The following RO60 variants were observed in gnomAD, a reference collection of about 807,000 sequenced individuals.
RO60 encodes RNA-binding protein RO60.
RO60 carries 20 observed loss-of-function variants against 55.3 expected under a neutral mutation model. The observed-to-expected ratio is 0.36, with a 90% CI of 0.25 to 0.53. The LOEUF (loss-of-function observed/expected upper bound fraction) is 0.53. Ranked by LOEUF, RO60 falls within the 20% of genes least tolerant of loss-of-function variation. The probability of loss-of-function intolerance (pLI) is 0.92; values close to 1 mark genes in which losing one functional copy is unlikely to be tolerated. For synonymous variants in RO60, 213 were observed against 213.6 expected (o/e 1.00, Z 0.02); for missense variants, 558 against 646.6 (o/e 0.86, Z 1.49).
Position 193,084,978 on chromosome 1 carries a change from T to G in RO60, c.*247T>G. 6.5e-7 allele frequency: 1 copy of G among 1,545,038 alleles called. No individual in the cohort carries two copies. Among genetic ancestry groups the G allele is most frequent in the Non-Finnish European group, 8.7e-7 (1 of 1,145,406 alleles). ...GTTTCCTCTATCTAATAGAGAACTT[T>G]TTGTTAACAGACACTGTAAAATAGT... On this transcript the variant is annotated 3_prime_UTR_variant, in exon 9 of 9. Coordinates refer to ENST00000400968, the MANE Select transcript of RO60 (RefSeq NM_001173524.2).
At position 193,090,316 on chromosome 1, in the gene RO60, T is replaced by C. The variant is rs1674807819; in HGVS notation, c.*5585T>C. On this transcript the variant is annotated 3_prime_UTR_variant, in exon 9 of 9. Coordinates refer to ENST00000400968, the MANE Select transcript of RO60 (RefSeq NM_001173524.2). ...AGGGAATATTATATCAACAAACATA[T>C]TGAAACTTGGCTTTATTTGTAACGT... 6.6e-6 allele frequency: 1 copy of C among 152,008 alleles called. No individual in the cohort carries two copies. Among genetic ancestry groups the C allele is most frequent in the Non-Finnish European group, 1.5e-5 (1 of 68,008 alleles). The allele number at this position is 152,008 out of a possible 1,614,324, so 9.4% of individuals were successfully genotyped here. A position where few individuals can be genotyped will look rare whatever the true frequency, so the allele number is the denominator to read the frequency against.
Position 193,090,229 on chromosome 1 carries a change from G to C in RO60, c.*5498G>C, listed in dbSNP as rs1038886688. 1 of 152,080 alleles carries C rather than the reference G, an allele frequency of 6.6e-6. No individual in the cohort carries two copies. The highest frequency in any genetic ancestry group is 2.4e-5 in the African/African-American group (1 of 41,394). The allele number at this position is 152,080 out of a possible 1,614,324, so 9.4% of individuals were successfully genotyped here. On this transcript the variant is annotated 3_prime_UTR_variant, in exon 9 of 9. Coordinates refer to ENST00000400968, the MANE Select transcript of RO60 (RefSeq NM_001173524.2). ...ACTTCGATGTGGATATGGATATGTGGATAAAGACAGTAAATGAAATTAAAA... is the reference window on the plus strand; with the variant it reads ...ACTTCGATGTGGATATGGATATGTGCATAAAGACAGTAAATGAAATTAAAA...
chr1:193,068,933 A>G (rs1425710298), intron 1 of RO60, 101 bp from the exon 2 acceptor site: 1 of 753,350 alleles, frequency 1.3e-6, no homozygotes, highest in Non-Finnish European at 2.1e-6. Context: ...ATGTTTTTAA[A>G]TTAAAAGAGT....
intron 1 of RO60, among the ~76,000 whole-genome samples, chr1:193,061,601 G>T (rs1672742775): frequency 6.6e-6 from 1 of 152,230 alleles, no homozygotes; most frequent in Non-Finnish European, 1.5e-5. Context: ...TATAATGTGT[G>T]TTACTAGCAT....
rs760392502 is a variant in RO60, at chr1:193,059,832, CA to C, written c.-22+59del. 1.5e-6 allele frequency: 2 copies of C among 1,359,718 alleles called. No homozygotes were observed. The highest frequency in any genetic ancestry group is 2.0e-6 in the Non-Finnish European group (2 of 1,018,756). The allele number at this position is 1,359,718 out of a possible 1,614,324, so 84.2% of individuals were successfully genotyped here. A position where few individuals can be genotyped will look rare whatever the true frequency, so the allele number is the denominator to read the frequency against. ...CCTTTTGTGCGGCCCCAGGGACGCGCAAATTCTGACCAGTCCTCCATGTCTC... is the reference window on the plus strand; with the variant it reads ...CCTTTTGTGCGGCCCCAGGGACGCGCAATTCTGACCAGTCCTCCATGTCTC... On this transcript the variant is annotated intron_variant, in intron 1 of 8. Coordinates refer to ENST00000400968, the MANE Select transcript of RO60 (RefSeq NM_001173524.2). The surrounding 1 kb of genome is among the most constrained non-coding windows in gnomAD (Gnocchi z 4.9).
chr1:193,078,477 A>G (rs1674075259), intron 5 of RO60, among the ~76,000 whole-genome samples: 1 of 152,214 alleles, frequency 6.6e-6, no homozygotes, highest in Admixed American at 6.5e-5. Flanking sequence ...AATTATCCTC[A>G]GATGCCATGA....
At position 193,059,797 on chromosome 1, in the gene RO60, C is replaced by T. The variant is rs1310833380; in HGVS notation, c.-22+21C>T. 4 of 1,355,956 alleles carry T rather than the reference C, an allele frequency of 2.9e-6. No homozygotes were observed. Among genetic ancestry groups the T allele is most frequent in the Non-Finnish European group, 3.9e-6 (4 of 1,017,092 alleles). The allele number at this position is 1,355,956 out of a possible 1,614,324, so 84.0% of individuals were successfully genotyped here. A position where few individuals can be genotyped will look rare whatever the true frequency, so the allele number is the denominator to read the frequency against. On this transcript the variant is annotated intron_variant, in intron 1 of 8. Transcript: ENST00000400968. This position sits in a 1 kb window ranked among gnomAD's most constrained non-coding sequence, Gnocchi z 4.9. ...TACAGGTGAGGACATTGCGGGAGGCCGGCTGGGAGCCTTTTGTGCGGCCCC... is the reference window on the plus strand; with the variant it reads ...TACAGGTGAGGACATTGCGGGAGGCTGGCTGGGAGCCTTTTGTGCGGCCCC...
rs1674836051 is a variant in RO60 at position 193,091,001 on chromosome 1, TGTTAACATCAGTA to T, written c.*6271_*6283del. On this transcript the variant is annotated 3_prime_UTR_variant, in exon 9 of 9. Coordinates refer to ENST00000400968, the MANE Select transcript of RO60 (RefSeq NM_001173524.2). ...CAGTGATGTGTTATACATACATGAC[TGTTAACATCAGTA>T]ATATTTTATGATAGTTTAAGGTTTT... The T allele has an allele frequency of 6.6e-6, 1 of 152,250 alleles. No homozygotes were observed. The highest frequency in any genetic ancestry group is 1.5e-5 in the Non-Finnish European group (1 of 68,060). 9.4% of individuals were successfully genotyped at this position (152,250 alleles called of 1,614,324 possible). A position where few individuals can be genotyped will look rare whatever the true frequency, so the allele number is the denominator to read the frequency against.
intron 1 of RO60, among the ~76,000 whole-genome samples, chr1:193,060,601 C>T (rs1168622158): frequency 6.6e-6 from 1 of 152,048 alleles, no homozygotes; most frequent in Non-Finnish European, 1.5e-5. Flanking sequence ...CCTTGTGCTA[C>T]AGATTATGTG....
At position 193,069,525 on chromosome 1, in the gene RO60, T is replaced by A. The variant is rs1293013421; in HGVS notation, c.471T>A (p.Asn157Lys). 1.2e-6 allele frequency: 2 copies of A among 1,614,016 alleles called. No homozygotes were observed. Among genetic ancestry groups the A allele is most frequent in the African/African-American group, 2.7e-5 (2 of 74,904 alleles). Residue 157 changes from asparagine (N) to lysine (K), a missense_variant, in exon 2 of 9, where the codon AAT becomes AAA. Transcript: ENST00000400968. ...ALRKAIADWY[N>K]EKGGMALALA... ...GGAAGGCTATAGCGGACTGGTACAA[T>A]GAGAAAGGTGGCATGGCCCTTGCTC...
chr1:193,083,437 A>T (rs1409363970), intron 8 of RO60, among the ~76,000 whole-genome samples: 1 of 152,218 alleles, frequency 6.6e-6, no homozygotes, highest in Admixed American at 6.5e-5. Context: ...AGCTTTCTGA[A>T]ATGACATAAA....
At position 193,084,852 on chromosome 1, in the gene RO60, A is replaced by C. The variant is rs577625933; in HGVS notation, c.*121A>C. ...TGATGGTATAGTATGTGCATAATGG[A>C]AAGTTACCTTACTGAAAAAAAAAAA... On this transcript the variant is annotated 3_prime_UTR_variant, in exon 9 of 9. Coordinates refer to ENST00000400968, the MANE Select transcript of RO60 (RefSeq NM_001173524.2). The C allele has an allele frequency of 1.3e-6, 2 of 1,502,416 alleles. No individual in the cohort carries two copies. The highest frequency in any genetic ancestry group is 8.8e-7 in the Non-Finnish European group (1 of 1,132,520). The allele number at this position is 1,502,416 out of a possible 1,614,324, so 93.1% of individuals were successfully genotyped here.
rs1009727977 is a variant in RO60, at chr1:193,074,881, T to A, written c.581-939T>A. On this transcript the variant is annotated intron_variant, in intron 2 of 8. Coordinates refer to ENST00000400968, the MANE Select transcript of RO60 (RefSeq NM_001173524.2). ...TATGGTTTTAGGTGTAACATGTAAG[T>A]CTTTAATCCATCTTGAATTAATTTT... 2.6e-5 allele frequency among the ~76,000 whole-genome samples: 4 copies of A among 152,354 alleles called. No individual in the cohort carries two copies. In the South Asian group the frequency reaches 6.2e-4, roughly 24 times the overall value.
In RO60 at chr1:193,069,459, G is replaced by A. The variant is rs1673333226; in HGVS notation, c.405G>A (p.Leu135=). 6.2e-7 allele frequency: 1 copy of A among 1,614,164 alleles called. No individual in the cohort carries two copies. Among genetic ancestry groups the A allele is most frequent in the Non-Finnish European group, 8.5e-7 (1 of 1,180,016 alleles). Residue 135 remains leucine, a synonymous_variant, in exon 2 of 9, where the codon CTG becomes CTA. Transcript: ENST00000400968. Reference sequence around the variant, plus strand: ...CTTTTATCCAGTTTAAGAAAGATCTGAAGGAAAGCATGAAATGTGGCATGT... The same window carrying A: ...CTTTTATCCAGTTTAAGAAAGATCTAAAGGAAAGCATGAAATGTGGCATGT... ...LFTFIQFKKD[L]KESMKCGMWG...
rs545903472 is a variant in RO60 at position 193,085,546 on chromosome 1, T to G, written c.*815T>G. The G allele has an allele frequency of 2.7e-5, 27 of 984,854 alleles. No homozygotes were observed. In the South Asian group the frequency reaches 1.1e-3, roughly 39 times the overall value. 61.0% of individuals were successfully genotyped at this position (984,854 alleles called of 1,614,324 possible). ...AACATAGCCAGATGTAGTCTCACACTGTTTTTCATACTCTTAAGTGTAAAT... is the reference window on the plus strand; with the variant it reads ...AACATAGCCAGATGTAGTCTCACACGGTTTTTCATACTCTTAAGTGTAAAT... On this transcript the variant is annotated 3_prime_UTR_variant, in exon 9 of 9. Transcript: ENST00000400968.
chr1:193,077,059 A>G lies in RO60; in HGVS notation c.1086+9A>G. 6.2e-7 allele frequency: 1 copy of G among 1,600,004 alleles called. No homozygotes were observed. The highest frequency in any genetic ancestry group is 8.5e-7 in the Non-Finnish European group (1 of 1,171,446). ...TTTATAAAACATTTAAGGTAGTGAT[A>G]TGATTTTTGTTTTAAAACAAATGAC... On this transcript the variant is annotated intron_variant, in intron 5 of 8. Transcript: ENST00000400968.
intron 5 of RO60, among the ~76,000 whole-genome samples, chr1:193,079,961 TAAAA>T (rs754439147): frequency 1.7e-5 from 2 of 115,620 alleles, no homozygotes; most frequent in Non-Finnish European, 3.7e-5. Flanking sequence ...ACCCCGTCTC[TAAAA>T]AAAAAAAAAA....
rs1430651666 is a variant in RO60 at position 193,081,434 on chromosome 1, T to C, written c.1157T>C (p.Leu386Ser). Residue 386 changes from leucine (L) to serine (S), a missense_variant, in exon 6 of 9, where the codon TTG (leucine) becomes TCG (serine). Transcript: ENST00000400968. ...AGTGCTTCTATGAACCAAAGAGTTT[T>C]GGGTAGTATACTCAACGCTAGTACA... is the stretch of plus-strand genomic sequence containing the variant. The part of the protein sequence containing the change: ...DVSASMNQRV[L>S]GSILNASTVA... 2.5e-6 allele frequency: 4 copies of C among 1,611,466 alleles called. No individual in the cohort carries two copies. Among genetic ancestry groups the C allele is most frequent in the South Asian group, 1.1e-5 (1 of 90,620 alleles).
At chr1:193,064,173 A>G (rs535544112) in intron 1 of RO60, among the ~76,000 whole-genome samples, 1 of 152,336 alleles carries the variant, frequency 6.6e-6, no homozygotes, top group South Asian at 2.1e-4. Flanking sequence ...CGATGAAGAA[A>G]GTTTTTATGA....
Sources: gnomAD v4.1 joint callset for allele counts (sites outside exome capture counted in the v4.1 genomes callset) on GRCh38, gnomAD v4.1.1 for gene constraint, Gnocchi (gnomAD v3.1) non-coding constraint, MANE v1.5 for transcripts, NCBI Gene and HGNC (gene_info 2026-07-23, HGNC 2026-07-21) for gene names.